CLCN3: variants seen among roughly 807,000 people sequenced by gnomAD.
CLCN3 encodes H(+)/Cl(-) exchange transporter 3.
Under a neutral mutation model 83.4 loss-of-function variants are expected in CLCN3, and 16 were observed. That is an observed-to-expected ratio of 0.19 (90% CI 0.13 to 0.29). The LOEUF (loss-of-function observed/expected upper bound fraction) is 0.29, where lower values mean the gene tolerates loss of function less well. Among genes scored for constraint, CLCN3 ranks in the 10% least tolerant of loss-of-function variants. CLCN3 has a pLI of 1.00. For missense variants in CLCN3, 544 were observed against 1,006.0 expected (o/e 0.54, Z 6.21); for synonymous variants, 322 against 346.2 (o/e 0.93, Z 0.78).
intron 2 of CLCN3, among the ~76,000 whole-genome samples, chr4:169,667,318 C>CT (rs1731282174): frequency 6.6e-6 from 1 of 151,488 alleles, no homozygotes; most frequent in Non-Finnish European, 1.5e-5. Context: ...TTTTTAACCG[C>CT]TGTTACTCAG....
intron 2 of CLCN3, among the ~76,000 whole-genome samples, chr4:169,675,623 A>G (rs1258264957): frequency 6.6e-6 from 1 of 152,210 alleles, no homozygotes; most frequent in Non-Finnish European, 1.5e-5. Context: ...GCATTACAAA[A>G]TAATTTGAGG....
intron 2 of CLCN3, chr4:169,663,505 A>G: frequency 3.4e-6 from 1 of 290,012 alleles, no homozygotes; most frequent in Non-Finnish European, 6.8e-6. Context: ...AATTTAAAAA[A>G]CAAAATTTTT....
rs575255982 is a variant in CLCN3, at chr4:169,624,972, A to G, written c.-17+3909A>G. Among the ~76,000 whole-genome samples the G allele has an allele frequency of 1.3e-4, 20 of 151,928 alleles. No individual in the cohort carries two copies. The South Asian group carries it at 3.9e-3, about 30-fold the overall frequency. ...ATGCCCGGCTAATTTTTGTGCTTTT[A>G]TTAGAGACGGGGTTTCCCCATGTTG... On this transcript the variant is annotated intron_variant, in intron 1 of 12. Transcript: ENST00000513761.
chr4:169,690,408 G>C (rs1732322527), intron 5 of CLCN3, 122 bp from the exon 6 acceptor site: 1 of 993,870 alleles, frequency 1.0e-6, no homozygotes, highest in Non-Finnish European at 1.5e-6. Flanking sequence ...AACCTCCCCA[G>C]TGCTGGGATT....
In CLCN3 at chr4:169,703,983, CTGT is replaced by C. The variant is rs1732894953; in HGVS notation, c.1564-7_1564-5del. 1.2e-6 allele frequency: 2 copies of C among 1,612,900 alleles called. No homozygotes were observed. Among genetic ancestry groups the C allele is most frequent in the African/African-American group, 1.3e-5 (1 of 74,882 alleles). ...GAGGATCTCTGCTCCATAAAGAGTT[CTGT>C]TGTTGTTATAGGTTCCATCAGGCTT... is the stretch of plus-strand genomic sequence containing the variant. On this transcript the variant is annotated splice_polypyrimidine_tract_variant and intron_variant, in intron 9 of 12. Coordinates refer to ENST00000513761, the MANE Select transcript of CLCN3 (RefSeq NM_001829.4).
At chr4:169,717,691 T>C (rs964949840) in intron 12 of CLCN3, 5 of 694,760 alleles carry the variant, frequency 7.2e-6, no homozygotes, top group African/African-American at 7.2e-5. Context: ...CTCATTCTTA[T>C]GGTTCATGTT....
intron 3 of CLCN3, among the ~76,000 whole-genome samples, chr4:169,681,428 T>C (rs1731933239): frequency 6.6e-6 from 1 of 152,244 alleles, no homozygotes; most frequent in South Asian, 2.1e-4. Context: ...AGCTTCCATA[T>C]TAATATATAT....
intron 2 of CLCN3, among the ~76,000 whole-genome samples, chr4:169,645,528 G>C (rs1001259609): frequency 2.6e-5 from 4 of 152,104 alleles, no homozygotes; most frequent in African/African-American, 9.7e-5. Context: ...TCATTCCGAG[G>C]TATATTTGTA....
rs1318492552 is a variant in CLCN3, at chr4:169,680,279, A to G, written c.318+72A>G. On this transcript the variant is annotated intron_variant, in intron 3 of 12. Transcript: ENST00000513761. Reference sequence around the variant, plus strand: ...ATCTTTTAATAATATATTTCTGCCAATGATCTCAGGCTGCCAAATGTTTAC... The same window carrying G: ...ATCTTTTAATAATATATTTCTGCCAGTGATCTCAGGCTGCCAAATGTTTAC... 22 of 1,067,410 alleles carry G rather than the reference A, an allele frequency of 2.1e-5. No homozygotes were observed. In the Admixed American group the frequency reaches 3.2e-4, roughly 16 times the overall value. The allele number at this position is 1,067,410 out of a possible 1,614,324, so 66.1% of individuals were successfully genotyped here.
chr4:169,680,414 C>A, intron 3 of CLCN3: 1 of 421,892 alleles, frequency 2.4e-6, no homozygotes. Context: ...GAAAGGATTT[C>A]AGGTAGCTAA....
At chr4:169,637,287 A>AT (rs56950593) in intron 2 of CLCN3, among the ~76,000 whole-genome samples, 68,658 of 151,544 alleles carry the variant, frequency 0.45, 17,743 homozygotes, top group East Asian at 0.76. Flanking sequence ...ATTCTGTGGT[A>AT]TTTTTTTTAC....
intron 3 of CLCN3, among the ~76,000 whole-genome samples, chr4:169,683,971 G>A (rs111761884): frequency 0.03 from 4,597 of 152,202 alleles, 132 homozygotes; most frequent in African/African-American, 0.079. Context: ...TCAAACTCCC[G>A]GCCTCAAGTG....
chr4:169,697,885 A>T, intron 9 of CLCN3, 151 bp downstream of exon 9: 1 of 626,446 alleles, frequency 1.6e-6, no homozygotes, highest in Non-Finnish European at 2.7e-6. Context: ...ATTCCTTAGC[A>T]TATATTGTTG....
intron 3 of CLCN3, among the ~76,000 whole-genome samples, chr4:169,685,841 T>G (rs903554252): frequency 6.6e-6 from 1 of 152,196 alleles, no homozygotes; most frequent in Non-Finnish European, 1.5e-5. Context: ...TAGTGATTAT[T>G]TTTGAAAGAA....
intron 2 of CLCN3, among the ~76,000 whole-genome samples, chr4:169,653,636 G>A (rs1374423213): frequency 5.3e-5 from 3 of 56,148 alleles, no homozygotes; most frequent in South Asian, 9.8e-4. Flanking sequence ...GTGAGACTCC[G>A]TCTCAAAAAA....
intron 5 of CLCN3, among the ~76,000 whole-genome samples, chr4:169,690,137 C>CTTTTTT (rs397769904): frequency 2.4e-3 from 260 of 110,396 alleles, no homozygotes; most frequent in Middle Eastern, 6.4e-3. Flanking sequence ...TCTTTTCTTT[C>CTTTTTT]TTTTTTTTTT....
intron 3 of CLCN3, 197 bp downstream of exon 3, chr4:169,680,404 G>A: frequency 2.3e-6 from 1 of 439,058 alleles, no homozygotes; most frequent in South Asian, 5.3e-5. Flanking sequence ...TAACTTTCCA[G>A]AAAGGATTTC....
intron 3 of CLCN3, among the ~76,000 whole-genome samples, chr4:169,682,431 T>G (rs1046532131): frequency 1.3e-5 from 2 of 152,196 alleles, no homozygotes; most frequent in Non-Finnish European, 2.9e-5. Flanking sequence ...GTTTCATTAT[T>G]GAGAAAATAC....
intron 2 of CLCN3, among the ~76,000 whole-genome samples, chr4:169,678,991 G>A (rs1223578668): frequency 6.6e-6 from 1 of 151,644 alleles, no homozygotes; most frequent in Non-Finnish European, 1.5e-5. Context: ...TGGGCGGCCG[G>A]GCGGAGGCGC....
Sources: gnomAD v4.1 joint callset for allele counts (sites outside exome capture counted in the v4.1 genomes callset) on GRCh38, gnomAD v4.1.1 for gene constraint, MANE v1.5 for transcripts, NCBI Gene and HGNC (gene_info 2026-07-23, HGNC 2026-07-21) for gene names.